The following DYNC1LI2 variants were observed in gnomAD, a reference collection of about 807,000 sequenced individuals.
DYNC1LI2 encodes the protein dynein cytoplasmic 1 light intermediate chain 2.
Under a neutral mutation model 57.8 loss-of-function variants are expected in DYNC1LI2, and 19 were observed. The observed-to-expected ratio is 0.33, with a 90% CI of 0.23 to 0.48. DYNC1LI2 has a LOEUF of 0.48. DYNC1LI2 is among the 20% of genes least tolerant of loss of function. The pLI is 0.99. For missense variants in DYNC1LI2, 470 were observed against 604.2 expected, an observed-to-expected ratio of 0.78 and a Z score of 2.33; for synonymous variants, 256 against 233.4, an observed-to-expected ratio of 1.10 and a Z score of -0.88.
At position 66,727,821 on chromosome 16, in the gene DYNC1LI2, G is replaced by C. The variant is rs778178321; in HGVS notation, c.1144-16C>G. ...CAGGAGATTCCTAAGTCCAAAAGCA[G>C]CTAAGGTCACACACAGGCATAACAA... On this transcript the variant is annotated splice_polypyrimidine_tract_variant and intron_variant, in intron 10 of 12. Transcript: ENST00000258198. 11 of 1,601,748 alleles carry C rather than the reference G, an allele frequency of 6.9e-6. No individual in the cohort carries two copies. The South Asian group carries it at 1.2e-4, about 18-fold the overall frequency.
chr16:66,723,892 C>G, intron 12 of DYNC1LI2, 70 bp from the exon 13 acceptor site: 2 of 1,339,740 alleles, frequency 1.5e-6, no homozygotes, highest in Non-Finnish European at 1.0e-6. Context: ...TTTAAAGGAG[C>G]ATTTAAAATT....
At chr16:66,740,138 G>C (rs1285008724) in intron 4 of DYNC1LI2, among the ~76,000 whole-genome samples, 2 of 152,166 alleles carry the variant, frequency 1.3e-5, no homozygotes, top group East Asian at 1.9e-4. Context: ...GCCACCTTCT[G>C]GTGGCTATAG....
intron 4 of DYNC1LI2, among the ~76,000 whole-genome samples, chr16:66,739,576 A>C (rs2144994325): frequency 6.6e-6 from 1 of 152,166 alleles, no homozygotes. Context: ...CCAGGACTAC[A>C]GGCATGTACC....
chr16:66,729,580 T>G (rs1458784416), intron 8 of DYNC1LI2, among the ~76,000 whole-genome samples: 1 of 144,150 alleles, frequency 6.9e-6, no homozygotes, highest in Admixed American at 6.9e-5. Context: ...AGTTTTTTTT[T>G]TTTTTTTTTT....
Position 66,751,420 on chromosome 16 carries a change from G to A in DYNC1LI2, c.107+65C>T. 1 of 1,588,936 alleles carries A rather than the reference G, an allele frequency of 6.3e-7. No individual in the cohort carries two copies. Among genetic ancestry groups the A allele is most frequent in the African/African-American group, 1.4e-5 (1 of 71,766 alleles). ...GCCCGGCTCGCGTCGGCCCCTCAGT[G>A]TGTCCGACGGTCCGGCCCAGAGGCC... On this transcript the variant is annotated intron_variant, in intron 1 of 12. Transcript: ENST00000258198. This position sits in a 1 kb window ranked among gnomAD's most constrained non-coding sequence, Gnocchi z 5.2.
In DYNC1LI2 at chr16:66,723,889, G is replaced by A. The variant is rs975402184; in HGVS notation, c.1379-67C>T. The A allele has an allele frequency of 5.8e-6, 8 of 1,383,502 alleles. No individual in the cohort carries two copies. In the African/African-American group the frequency reaches 5.9e-5, roughly 10 times the overall value. The allele number at this position is 1,383,502 out of a possible 1,614,324, so 85.7% of individuals were successfully genotyped here. A position where few individuals can be genotyped will look rare whatever the true frequency, so the allele number is the denominator to read the frequency against. On this transcript the variant is annotated intron_variant, in intron 12 of 12. Coordinates refer to ENST00000258198, the MANE Select transcript of DYNC1LI2 (RefSeq NM_006141.3). ...GAAGAGGAAACAATTTTTTTTAAAG[G>A]AGCATTTAAAATTATACGCCTTCTA...
chr16:66,736,113 G>A lies in DYNC1LI2; in HGVS notation c.661C>T (p.His221Tyr). 1 of 1,614,078 alleles carries A rather than the reference G, an allele frequency of 6.2e-7. No individual in the cohort carries two copies. Among genetic ancestry groups the A allele is most frequent in the East Asian group, 2.2e-5 (1 of 44,864 alleles). ...ALPLGDNVLT[H>Y]NLGIPVLVVC... Reference sequence around the variant, plus strand: ...ACCAACACCGGGATCCCCAGGTTATGAGTCAGCACATTGTCACCCAGAGGC... The same window carrying A: ...ACCAACACCGGGATCCCCAGGTTATAAGTCAGCACATTGTCACCCAGAGGC... The change falls in exon 5 of 13, where the codon CAT (histidine) becomes TAT (tyrosine). Residue 221 changes from histidine to tyrosine, a missense_variant. His to Tyr is a moderately conservative substitution (Grantham distance 83). Transcript: ENST00000258198.
intron 9 of DYNC1LI2, among the ~76,000 whole-genome samples, chr16:66,728,504 G>A (rs1227060399): frequency 1.3e-5 from 2 of 152,178 alleles, no homozygotes; most frequent in East Asian, 1.9e-4. Context: ...GGAAACAGTT[G>A]GAAAAAGAAC....
At chr16:66,733,667 T>C (rs192390184) in intron 6 of DYNC1LI2, 3 of 153,594 alleles carry the variant, frequency 2.0e-5, no homozygotes, top group Admixed American at 1.3e-4. Context: ...ATCATGCCAC[T>C]GTACTCCAGC....
intron 11 of DYNC1LI2, 130 bp from the exon 12 acceptor site, chr16:66,726,074 G>T (rs1332360434): frequency 1.3e-5 from 11 of 863,862 alleles, no homozygotes; most frequent in Non-Finnish European, 1.8e-5. Context: ...ACATTCATTC[G>T]CTACGATGCC....
At position 66,736,058 on chromosome 16, in the gene DYNC1LI2, A is replaced by C. The variant is rs748955408; in HGVS notation, c.699+17T>G. 1.7e-5 allele frequency: 28 copies of C among 1,603,834 alleles called. No homozygotes were observed. The highest frequency in any genetic ancestry group is 6.8e-6 in the Non-Finnish European group (8 of 1,171,838). ...ACCACCCGAACCCAGCCAAGCCAAC[A>C]ACCCCCTGGCACACACCTTTGTGCA... On this transcript the variant is annotated intron_variant, in intron 5 of 12. Transcript: ENST00000258198.
chr16:66,739,217 T>C (rs1315814597), intron 4 of DYNC1LI2: 1 of 152,176 alleles, frequency 6.6e-6, no homozygotes, highest in Non-Finnish European at 1.5e-5. Context: ...ACAGGTAAGC[T>C]AAGCTACGGT....
chr16:66,737,276 AAAAAACAAAACAAAACAAAAAAC>A (rs1177375580), intron 4 of DYNC1LI2, among the ~76,000 whole-genome samples: 1 of 152,120 alleles, frequency 6.6e-6, no homozygotes, highest in African/African-American at 2.4e-5. Context: ...ACTATACCTC[AAAAAACAAAACAAAACAAAAAAC>A]AAAAACAAAC....
Position 66,751,411 on chromosome 16 carries a change from C to G in DYNC1LI2, c.108-65G>C. ...GCTGGGATGGCCCGGCTCGCGTCGG[C>G]CCCTCAGTGTGTCCGACGGTCCGGC... is the stretch of plus-strand genomic sequence containing the variant. On this transcript the variant is annotated intron_variant, in intron 1 of 12. Transcript: ENST00000258198. The surrounding 1 kb of genome is among the most constrained non-coding windows in gnomAD (Gnocchi z 5.2). 1 of 1,593,686 alleles carries G rather than the reference C, an allele frequency of 6.3e-7. No individual in the cohort carries two copies. Among genetic ancestry groups the G allele is most frequent in the Non-Finnish European group, 8.5e-7 (1 of 1,171,738 alleles).
At position 66,730,146 on chromosome 16, in the gene DYNC1LI2, T is replaced by A; in HGVS notation, c.1007A>T (p.Tyr336Phe). 6.2e-7 allele frequency: 1 copy of A among 1,614,102 alleles called. No homozygotes were observed. The highest frequency in any genetic ancestry group is 8.5e-7 in the Non-Finnish European group (1 of 1,179,998). The change falls in exon 8 of 13, where the codon TAT (tyrosine) becomes TTT (phenylalanine). Residue 336 changes from tyrosine to phenylalanine, a missense_variant. Physicochemically the swap from Tyr to Phe is conservative, Grantham distance 22. Coordinates refer to ENST00000258198, the MANE Select transcript of DYNC1LI2 (RefSeq NM_006141.3). ...NFTTVKPEDA[Y>F]EDFIVKPPVR... is the part of the protein sequence containing the mutation. ...GGGAGGTTTCACAATAAAGTCTTCA[T>A]ATGCATCTTCCGGCTTCACGGTTGT... is the stretch of plus-strand genomic sequence containing the variant.
At chr16:66,737,490 CAAAAAAAA>C (rs754336347) in intron 4 of DYNC1LI2, among the ~76,000 whole-genome samples, 1 of 58,008 alleles carries the variant, frequency 1.7e-5, no homozygotes, top group Non-Finnish European at 3.8e-5. Flanking sequence ...GACTCCGTCT[CAAAAAAAA>C]AAAAAAAAAA....
intron 2 of DYNC1LI2, 116 bp from the exon 3 acceptor site, chr16:66,749,429 A>T: frequency 1.0e-6 from 1 of 1,002,600 alleles, no homozygotes; most frequent in Non-Finnish European, 1.5e-6. Context: ...CTGCTGTTGA[A>T]GTCTCACCTG....
chr16:66,723,006 A>AC lies in DYNC1LI2; in HGVS notation c.*715_*716insG, dbSNP rs2017474613. 3.7e-6 allele frequency: 1 copy of AC among 271,144 alleles called. No individual in the cohort carries two copies. Among genetic ancestry groups the AC allele is most frequent in the Non-Finnish European group, 7.3e-6 (1 of 136,888 alleles). The allele number at this position is 271,144 out of a possible 1,614,324, so 16.8% of individuals were successfully genotyped here. A position where few individuals can be genotyped will look rare whatever the true frequency, so the allele number is the denominator to read the frequency against. ...TCTCACGAGGACATAGCCTGGGCCA[A>AC]GCACATGGGTCCTGGGCAGCTGCCA... On this transcript the variant is annotated 3_prime_UTR_variant, in exon 13 of 13. Transcript: ENST00000258198.
chr16:66,739,602 AT>A (rs1298580551), intron 4 of DYNC1LI2, among the ~76,000 whole-genome samples: 1 of 151,814 alleles, frequency 6.6e-6, no homozygotes, highest in Non-Finnish European at 1.5e-5. Context: ...GACTGGCTAA[AT>A]TTTTTTAGAG....
Sources: allele counts gnomAD v4.1 joint callset (sites outside exome capture counted in the v4.1 genomes callset), GRCh38; gene constraint gnomAD v4.1.1; non-coding constraint Gnocchi (gnomAD v3.1); transcripts MANE v1.5; gene names NCBI Gene and HGNC (gene_info 2026-07-23, HGNC 2026-07-21).